CHCT1: variants seen among roughly 807,000 people sequenced by gnomAD.
CHCT1 encodes CHD1 helical C-terminal domain containing protein 1.
chr17:60,422,389 G>T, the CHCT1 span: 1 of 1,341,098 alleles, frequency 7.5e-7, no homozygotes, highest in South Asian at 1.4e-5. Context: ...AGCTGGAGGG[G>T]CCAGCTGCAG....
the CHCT1 span, among the ~76,000 whole-genome samples, chr17:60,428,307 G>A: frequency 5.3e-4 from 80 of 152,210 alleles, 1 homozygote; most frequent in East Asian, 4.1e-3. Context: ...GATGAGAGCC[G>A]TGCTCTAACT....
the CHCT1 span, chr17:60,425,768 C>T: frequency 6.5e-7 from 1 of 1,541,652 alleles, no homozygotes; most frequent in East Asian, 2.4e-5. Context: ...CTTAGTGCCC[C>T]CTGCCTCCTC....
At chr17:60,429,346 G>C in the CHCT1 span, 62 of 1,608,974 alleles carry the variant, frequency 3.9e-5, no homozygotes, top group South Asian at 5.5e-5. Context: ...TCCTTAACAC[G>C]GAGGCTCCAT....
the CHCT1 span, chr17:60,431,387 T>C: frequency 1.5e-6 from 1 of 667,872 alleles, no homozygotes; most frequent in Admixed American, 2.9e-5. Context: ...TAGGAATAAA[T>C]GAGGTGGGAA....
At chr17:60,425,776 C>T in the CHCT1 span, 27 of 1,548,470 alleles carry the variant, frequency 1.7e-5, no homozygotes, top group Non-Finnish European at 2.3e-5. Context: ...CCCCTGCCTC[C>T]TCCTAGGTGA....
chr17:60,423,734 G>A, the CHCT1 span, among the ~76,000 whole-genome samples: 23 of 152,186 alleles, frequency 1.5e-4, no homozygotes, highest in African/African-American at 5.6e-4. Flanking sequence ...CTAAAATGTT[G>A]GGATTACAGG....
At chr17:60,425,939 C>A in the CHCT1 span, 1 of 1,453,512 alleles carries the variant, frequency 6.9e-7, no homozygotes, top group South Asian at 1.2e-5. Flanking sequence ...GGTCAGGAGG[C>A]CTGAGTCAGG....
At chr17:60,427,481 G>A in the CHCT1 span, among the ~76,000 whole-genome samples, 54 of 151,918 alleles carry the variant, frequency 3.6e-4, no homozygotes, top group Admixed American at 1.3e-3. Flanking sequence ...GTCGTGGCGC[G>A]ATCTTGGCTC....
the CHCT1 span, chr17:60,421,536 C>G: frequency 5.1e-6 from 5 of 985,474 alleles, no homozygotes; most frequent in Non-Finnish European, 6.0e-6. Context: ...GAAGGAAGGT[C>G]CGGGAGAAGG....
At chr17:60,427,499 C>T in the CHCT1 span, among the ~76,000 whole-genome samples, 2 of 151,984 alleles carry the variant, frequency 1.3e-5, no homozygotes, top group East Asian at 3.9e-4. Flanking sequence ...CTCACTGCAA[C>T]CTCCGCCTCC....
the CHCT1 span, chr17:60,421,228 G>A: frequency 2.5e-6 from 1 of 398,246 alleles, no homozygotes; most frequent in East Asian, 1.6e-4. Context: ...ATAAGTGGAA[G>A]GTTTATTCCT....
At chr17:60,422,171 G>C in the CHCT1 span, 1 of 281,750 alleles carries the variant, frequency 3.5e-6, no homozygotes, top group Non-Finnish European at 6.5e-6. Context: ...CTTTCCTCTC[G>C]GGGAGCCCCC....
chr17:60,426,581 C>T, the CHCT1 span: 20 of 1,288,844 alleles, frequency 1.6e-5, no homozygotes, highest in East Asian at 4.8e-4. Flanking sequence ...AATCCCCACC[C>T]CTCCATTCCC....
At chr17:60,424,054 AAGAG>A in the CHCT1 span, among the ~76,000 whole-genome samples, 8 of 152,302 alleles carry the variant, frequency 5.3e-5, no homozygotes, top group East Asian at 1.5e-3. Context: ...GAGAGCAAGC[AAGAG>A]AGAGAGGAGG....
At chr17:60,424,228 T>C in the CHCT1 span, among the ~76,000 whole-genome samples, 1 of 152,100 alleles carries the variant, frequency 6.6e-6, no homozygotes, top group African/African-American at 2.4e-5. Flanking sequence ...GGGGATCACG[T>C]TTCAACATGA....
chr17:60,424,747 C>T, the CHCT1 span, among the ~76,000 whole-genome samples: 1,499 of 152,176 alleles, frequency 9.9e-3, 16 homozygotes, highest in Non-Finnish European at 0.017. Context: ...GTGGTGCACG[C>T]CTGTAATCCC....
chr17:60,427,003 G>A, the CHCT1 span: 23 of 707,344 alleles, frequency 3.3e-5, no homozygotes, highest in Non-Finnish European at 3.8e-5. Context: ...AAGAGGCCGA[G>A]GCTCAGCATC....
At chr17:60,421,589 A>G in the CHCT1 span, 1 of 984,428 alleles carries the variant, frequency 1.0e-6, no homozygotes, top group Non-Finnish European at 1.2e-6. Flanking sequence ...GAGTGAGGAA[A>G]CTGCGGGGGC....
chr17:60,422,228 T>C, the CHCT1 span: 6 of 309,982 alleles, frequency 1.9e-5, no homozygotes, highest in South Asian at 1.8e-4. Flanking sequence ...TGCAGGAAAA[T>C]GAGTTCAACA....
Sources: allele counts gnomAD v4.1 joint callset (sites outside exome capture counted in the v4.1 genomes callset), GRCh38; gene constraint gnomAD v4.1.1; transcripts MANE v1.5; gene names NCBI Gene and HGNC (gene_info 2026-07-23, HGNC 2026-07-21).